Variants in KANK1 observed in about 807,000 individuals in gnomAD.
KANK1 encodes KN motif and ankyrin repeat domain-containing protein 1.
A neutral mutation model predicts 106.2 loss-of-function variants in KANK1; 109 were observed. The ratio of observed to expected loss-of-function variants is 1.03; its 90% CI spans 0.88 to 1.20. The LOEUF (loss-of-function observed/expected upper bound fraction) is 1.20. Ranked by LOEUF, KANK1 falls within the 50% of genes most tolerant of loss-of-function variation. The pLI is 0.00. For synonymous variants in KANK1, 873 were observed against 652.2 expected, an observed-to-expected ratio of 1.34 and a Z score of -5.16; for missense variants, 2,399 against 1,710.7, an observed-to-expected ratio of 1.40 and a Z score of -7.10.
chr9:508,435 C>T (rs142089663), intron 1 of KANK1, among the ~76,000 whole-genome samples: 35 of 152,280 alleles, frequency 2.3e-4, no homozygotes, highest in Non-Finnish European at 4.4e-4. Context: ...CTGTGCCCAG[C>T]CTGTAGCTAT....
chr9:551,777 G>A (rs552694507), intron 1 of KANK1, among the ~76,000 whole-genome samples: 12 of 152,118 alleles, frequency 7.9e-5, no homozygotes, highest in Non-Finnish European at 1.6e-4. Context: ...GCCAGGTGCA[G>A]TGTCTCACAC....
intron 1 of KANK1, among the ~76,000 whole-genome samples, chr9:601,331 C>T (rs758874784): frequency 2.6e-5 from 4 of 151,840 alleles, no homozygotes; most frequent in Non-Finnish European, 4.4e-5. Context: ...GCTATCCTTT[C>T]TTTATGTTCC....
intron 1 of KANK1, among the ~76,000 whole-genome samples, chr9:632,079 A>G (rs932199010): frequency 2.0e-5 from 3 of 152,206 alleles, no homozygotes; most frequent in Non-Finnish European, 2.9e-5. Flanking sequence ...TTTAACAGTC[A>G]CTTAATAAAG....
intron 7 of KANK1, among the ~76,000 whole-genome samples, chr9:736,058 G>A (rs1456530079): frequency 6.6e-6 from 1 of 152,068 alleles, no homozygotes; most frequent in Non-Finnish European, 1.5e-5. Flanking sequence ...CCCGGGTTCG[G>A]GCCATTCTCC....
At chr9:725,496 CAAAAAAAA>C (rs34245303) in intron 3 of KANK1, among the ~76,000 whole-genome samples, 4 of 116,852 alleles carry the variant, frequency 3.4e-5, no homozygotes, top group African/African-American at 1.4e-4. Context: ...GACTCTGTCT[CAAAAAAAA>C]AAAAAAAAAA....
At chr9:717,354 C>G (rs1280228972) in intron 3 of KANK1, among the ~76,000 whole-genome samples, 1 of 152,142 alleles carries the variant, frequency 6.6e-6, no homozygotes, top group Non-Finnish European at 1.5e-5. Flanking sequence ...TAAAGCCTCC[C>G]TGGCACACTC....
chr9:566,193 C>CT (rs1817764609), intron 1 of KANK1, among the ~76,000 whole-genome samples: 1 of 152,124 alleles, frequency 6.6e-6, no homozygotes, highest in African/African-American at 2.4e-5. Context: ...TGATCTTATT[C>CT]TTTTTTATGG....
intron 1 of KANK1, among the ~76,000 whole-genome samples, chr9:532,861 G>A (rs73371003): frequency 0.011 from 1,724 of 152,118 alleles, 35 homozygotes; most frequent in African/African-American, 0.038. Flanking sequence ...TTATCTCTTG[G>A]CAAGAAAGCA....
intron 1 of KANK1, among the ~76,000 whole-genome samples, chr9:514,570 C>T (rs766302860): frequency 8.6e-5 from 13 of 151,338 alleles, no homozygotes; most frequent in Admixed American, 3.3e-4. Flanking sequence ...AGCATGTACT[C>T]TTTCGTGTCT....
At chr9:731,342 G>T in intron 5 of KANK1, 76 bp downstream of exon 5, 1 of 829,334 alleles carries the variant, frequency 1.2e-6, no homozygotes, top group South Asian at 1.6e-5. Context: ...ATTTCAAGGC[G>T]CCTAGTCGGG....
At chr9:517,555 T>A (rs990303070) in intron 1 of KANK1, among the ~76,000 whole-genome samples, 1 of 151,666 alleles carries the variant, frequency 6.6e-6, no homozygotes, top group African/African-American at 2.4e-5. Flanking sequence ...GAAGCCTTTT[T>A]TTTCCTTTAG....
In KANK1 at chr9:711,479, C is replaced by G; in HGVS notation, c.713C>G (p.Ser238Cys). 1 of 1,614,152 alleles carries G rather than the reference C, an allele frequency of 6.2e-7. No individual in the cohort carries two copies. The highest frequency in any genetic ancestry group is 1.1e-5 in the South Asian group (1 of 91,078). Residue 238 changes from serine (S) to cysteine (C), a missense_variant, in exon 3 of 12, where the codon TCC (serine) becomes TGC (cysteine). Ser to Cys is a moderately radical substitution (Grantham distance 112, BLOSUM62 -1). Transcript: ENST00000382297. The stretch of plus-strand genomic sequence containing the variant: ...CCCACCACTTCCTCCATGGGGAGCT[C>G]CATCCGCCACAGCCCCCTGAGCTCA... ...AAPTTSSMGS[S>C]IRHSPLSSGI...
upstream of KANK1, among the ~76,000 whole-genome samples, chr9:503,133 C>T (rs1397962250): frequency 6.6e-6 from 1 of 151,636 alleles, no homozygotes; most frequent in Non-Finnish European, 1.5e-5. Context: ...GCCACTGCGC[C>T]TGGCCGACGA....
intron 1 of KANK1, among the ~76,000 whole-genome samples, chr9:659,248 T>C (rs894548654): frequency 2.0e-5 from 3 of 152,348 alleles, no homozygotes; most frequent in Non-Finnish European, 2.9e-5. Context: ...TATCATTTTC[T>C]TAAAATTAGA....
At chr9:674,839 G>A (rs774886817) in intron 1 of KANK1, among the ~76,000 whole-genome samples, 2 of 152,050 alleles carry the variant, frequency 1.3e-5, no homozygotes, top group Non-Finnish European at 2.9e-5. Context: ...GAGTAGCTGG[G>A]ATTACAGGCG....
In KANK1 at chr9:712,735, C is replaced by T. The variant is rs771175973; in HGVS notation, c.1969C>T (p.Gln657Ter). Reference protein sequence around the residue: ...SRGVNTEAVSQVEAAVMAVPR... With the variant: ...SRGVNTEAVS ...GGGCGTGAACACTGAGGCTGTTAGC[C>T]AGGTGGAAGCTGCCGTCATGGCAGT... is the stretch of plus-strand genomic sequence containing the variant. The change falls in exon 3 of 12, where the codon CAG becomes TAG. Residue 657 changes from glutamine (Q) to a stop codon, truncating the protein, a stop_gained. Coordinates refer to ENST00000382297, the MANE Select transcript of KANK1 (RefSeq NM_015158.5). LOFTEE classifies it high-confidence loss of function. 2 of 1,613,910 alleles carry T rather than the reference C, an allele frequency of 1.2e-6. No homozygotes were observed. The highest frequency in any genetic ancestry group is 2.2e-5 in the South Asian group (2 of 91,026).
chr9:490,087 T>C (rs927568223), intron 3 of KANK1, among the ~76,000 whole-genome samples: 2 of 152,246 alleles, frequency 1.3e-5, no homozygotes, highest in Non-Finnish European at 2.9e-5. Context: ...AAATAGGCTA[T>C]TACTTGGCCA....
intron 1 of KANK1, among the ~76,000 whole-genome samples, chr9:571,089 C>T (rs748466393): frequency 6.6e-6 from 1 of 152,184 alleles, no homozygotes; most frequent in South Asian, 2.1e-4. Context: ...GTTTGCACCT[C>T]TGTTGTGGTA....
At chr9:742,985 C>T (rs770935797) in intron 10 of KANK1, among the ~76,000 whole-genome samples, 6 of 152,188 alleles carry the variant, frequency 3.9e-5, no homozygotes, top group Non-Finnish European at 8.8e-5. Context: ...CTCCCAGTTC[C>T]CAGGCTGTCC....
Sources: gnomAD v4.1 joint callset for allele counts (sites outside exome capture counted in the v4.1 genomes callset) on GRCh38, gnomAD v4.1.1 for gene constraint, MANE v1.5 for transcripts, NCBI Gene and HGNC (gene_info 2026-07-23, HGNC 2026-07-21) for gene names.